Variants in EIF2AK3 observed in about 807,000 individuals in gnomAD.
The protein encoded by EIF2AK3 is eukaryotic translation initiation factor 2-alpha kinase 3.
In EIF2AK3, 50 loss-of-function variants were observed where a neutral mutation model predicts 113.5. The ratio of observed to expected loss-of-function variants is 0.44; its 90% confidence interval spans 0.35 to 0.56. The LOEUF is 0.56. Ranked by LOEUF, EIF2AK3 falls within the 20% of genes least tolerant of loss-of-function variation. The pLI is 0.00. For missense variants in EIF2AK3, 1,185 were observed against 1,378.0 expected (o/e 0.86, Z 2.22); for synonymous variants, 448 against 495.4 (o/e 0.90, Z 1.27).
At chr2:88,622,133 G>A (rs886526838) in intron 1 of EIF2AK3, among the ~76,000 whole-genome samples, 2 of 152,070 alleles carry the variant, frequency 1.3e-5, no homozygotes, top group Non-Finnish European at 2.9e-5. Context: ...CTGACCTCAG[G>A]TGATCCGCCT....
At chr2:88,567,846 A>G (rs985707395) in intron 14 of EIF2AK3, among the ~76,000 whole-genome samples, 1 of 152,244 alleles carries the variant, frequency 6.6e-6, no homozygotes, top group Non-Finnish European at 1.5e-5. Flanking sequence ...TTTTTAATGT[A>G]AACATAAGCA....
In EIF2AK3 at chr2:88,574,961, T is replaced by C. The variant is rs1674415310; in HGVS notation, c.2522A>G (p.Lys841Arg). The change falls in exon 13 of 17, where the codon AAG becomes AGG. Residue 841 changes from lysine to arginine, a missense_variant. By Grantham distance (26) the Lys-to-Arg change is conservative. Around this residue, in one of 3 missense-constraint regions of EIF2AK3, gnomAD observed 877 missense variants for 1,024.2 expected, o/e 0.86. Coordinates refer to ENST00000303236, the MANE Select transcript of EIF2AK3 (RefSeq NM_004836.7). ...NHCANKLTAF[K>R]PTSSKSSSEA... ...AGAAGAAGATTTGCTACTGGTGGGC[T>C]TGAAAGCAGTTAGTTTATTAGCACA... The C allele has an allele frequency of 6.2e-7, 1 of 1,614,232 alleles. No individual in the cohort carries two copies. The highest frequency in any genetic ancestry group is 1.1e-5 in the South Asian group (1 of 91,086).
At chr2:88,620,729 C>T (rs1008361590) in intron 1 of EIF2AK3, among the ~76,000 whole-genome samples, 5 of 152,164 alleles carry the variant, frequency 3.3e-5, no homozygotes, top group African/African-American at 9.7e-5. Flanking sequence ...TTTCTCATTC[C>T]GGGACTCAAT....
intron 2 of EIF2AK3, among the ~76,000 whole-genome samples, chr2:88,604,204 G>C (rs956215200): frequency 6.6e-6 from 1 of 152,012 alleles, no homozygotes; most frequent in African/African-American, 2.4e-5. Context: ...ATAAAATCTG[G>C]AATGTCTAAC....
At chr2:88,611,784 C>T (rs1675463642) in intron 2 of EIF2AK3, among the ~76,000 whole-genome samples, 1 of 152,138 alleles carries the variant, frequency 6.6e-6, no homozygotes, top group South Asian at 2.1e-4. Context: ...GGGCCTGCCA[C>T]CACACCTTGC....
intron 2 of EIF2AK3, among the ~76,000 whole-genome samples, chr2:88,609,487 A>C (rs1675376540): frequency 1.3e-5 from 2 of 152,220 alleles, no homozygotes; most frequent in South Asian, 4.1e-4. Context: ...CCACTTACAA[A>C]TGTTCTTGAT....
At chr2:88,563,245 TATGATCCCTTC>T (rs943490770) in intron 14 of EIF2AK3, among the ~76,000 whole-genome samples, 7 of 152,180 alleles carry the variant, frequency 4.6e-5, no homozygotes, top group African/African-American at 1.7e-4. Context: ...TGCCAGGGTT[TATGATCCCTTC>T]ACAACTTCCC....
In EIF2AK3 at chr2:88,608,869, G is replaced by A. The variant is rs1338307426; in HGVS notation, c.438+4855C>T. ...ACTACAGGTGCATGTCACCACACCTGGCTAATTTTTGTATTTTTTTTTTTT... is the reference window on the plus strand; with the variant it reads ...ACTACAGGTGCATGTCACCACACCTAGCTAATTTTTGTATTTTTTTTTTTT... On this transcript the variant is annotated intron_variant, in intron 2 of 16. Transcript: ENST00000303236. 1.1e-4 allele frequency among the ~76,000 whole-genome samples: 15 copies of A among 138,524 alleles called. 1 individual carries two copies. In the Admixed American group the frequency reaches 1.2e-3, roughly 11 times the overall value. 90.9% of individuals were successfully genotyped at this position (138,524 alleles called of 152,430 possible).
chr2:88,558,579 C>G (rs1348178142), intron 16 of EIF2AK3, among the ~76,000 whole-genome samples: 1 of 152,132 alleles, frequency 6.6e-6, no homozygotes, highest in Non-Finnish European at 1.5e-5. Context: ...TGCAACCCTT[C>G]ATTATAATAC....
chr2:88,618,438 CA>C (rs1413516810), intron 1 of EIF2AK3, among the ~76,000 whole-genome samples: 7 of 152,188 alleles, frequency 4.6e-5, no homozygotes, highest in African/African-American at 1.7e-4. Context: ...CTCATGGCTT[CA>C]TTCGAGTTAT....
chr2:88,627,087 C>A lies in EIF2AK3; in HGVS notation c.188G>T (p.Gly63Val). 2.6e-6 allele frequency: 4 copies of A among 1,555,306 alleles called. No individual in the cohort carries two copies. Among genetic ancestry groups the A allele is most frequent in the Non-Finnish European group, 3.5e-6 (4 of 1,159,114 alleles). Residue 63 changes from glycine (G) to valine (V), a missense_variant, in exon 1 of 17, where the codon GGC becomes GTC. By Grantham distance (109) the Gly-to-Val change is moderately radical. Transcript: ENST00000303236. ...AGTCACCTCGGCCGCAGCCACGGCG[C>A]CCGCCGCCGGTACTCGCGTCGCTGA... ...PTSATRVPAAGAVAAAEVTVE... is the reference protein window; with the variant it reads ...PTSATRVPAAVAVAAAEVTVE...
intron 10 of EIF2AK3, among the ~76,000 whole-genome samples, chr2:88,580,937 C>A (rs1220221139): frequency 6.6e-6 from 1 of 152,156 alleles, no homozygotes; most frequent in Non-Finnish European, 1.5e-5. Context: ...CAAAAGCCCA[C>A]AAACTTCATA....
intron 2 of EIF2AK3, among the ~76,000 whole-genome samples, chr2:88,599,639 G>C (rs1675104153): frequency 6.6e-6 from 1 of 152,038 alleles, no homozygotes; most frequent in South Asian, 2.1e-4. Flanking sequence ...GTAGTATTAG[G>C]TTAAAGTATA....
rs1675697626 is a variant in EIF2AK3, at chr2:88,620,669, C to G, written c.308+6298G>C. Among the ~76,000 whole-genome samples, 3 of 152,238 alleles carry G rather than the reference C, an allele frequency of 2.0e-5. 1 individual carries two copies. The highest frequency in any genetic ancestry group is 2.0e-4 in the Admixed American group (3 of 15,290). On this transcript the variant is annotated intron_variant, in intron 1 of 16. Transcript: ENST00000303236. ...CTGTGCTCACTGTACAAACTCCCTG[C>G]TCTGTGCCCTTGCTCACACTATTCT... is the stretch of plus-strand genomic sequence containing the variant.
chr2:88,592,955 A>G (rs1358786857), intron 4 of EIF2AK3, among the ~76,000 whole-genome samples: 1 of 152,060 alleles, frequency 6.6e-6, no homozygotes. Context: ...CAGCCTGGCC[A>G]ACATGGTGAA....
At chr2:88,607,245 A>G (rs1675299221) in intron 2 of EIF2AK3, among the ~76,000 whole-genome samples, 1 of 152,250 alleles carries the variant, frequency 6.6e-6, no homozygotes, top group Admixed American at 6.5e-5. Flanking sequence ...TAAGGCAATC[A>G]GTGAGGAATC....
chr2:88,571,536 A>G (rs1415002987), intron 13 of EIF2AK3, among the ~76,000 whole-genome samples: 2 of 152,230 alleles, frequency 1.3e-5, no homozygotes, highest in African/African-American at 4.8e-5. Flanking sequence ...AGTGAGGCCC[A>G]GAAGTTAAAC....
intron 2 of EIF2AK3, among the ~76,000 whole-genome samples, chr2:88,610,489 T>A (rs1675428203): frequency 6.6e-6 from 1 of 152,226 alleles, no homozygotes; most frequent in Non-Finnish European, 1.5e-5. Flanking sequence ...AAAAGGCTAC[T>A]AGAATATTCC....
chr2:88,578,947 G>A (rs1403439294), intron 11 of EIF2AK3, among the ~76,000 whole-genome samples: 1 of 152,056 alleles, frequency 6.6e-6, no homozygotes, highest in African/African-American at 2.4e-5. Context: ...TATGGCACGT[G>A]TATTAAATGG....
Sources: allele counts gnomAD v4.1 joint callset (sites outside exome capture counted in the v4.1 genomes callset), GRCh38; gene constraint gnomAD v4.1.1; regional missense constraint gnomAD v4.1.1; transcripts MANE v1.5; gene names NCBI Gene and HGNC (gene_info 2026-07-23, HGNC 2026-07-21).